Variants in TAFA5 observed in about 807,000 individuals in gnomAD.
The protein encoded by TAFA5 is chemokine-like protein TAFA-5.
TAFA5 carries 6 observed loss-of-function variants against 15.3 expected under a neutral mutation model. That is an observed-to-expected ratio of 0.39 (90% CI 0.21 to 0.77). TAFA5 has a LOEUF of 0.77. Ranked by LOEUF, TAFA5 falls within the 30% of genes least tolerant of loss-of-function variation. The pLI is 0.41. For missense variants in TAFA5, 161 were observed against 193.1 expected (o/e 0.83, Z 0.98); for synonymous variants, 103 against 80.7 (o/e 1.28, Z -1.48).
At chr22:48,545,612 C>T (rs1922637017) in intron 1 of TAFA5, 1 of 152,740 alleles carries the variant, frequency 6.5e-6, no homozygotes, top group Non-Finnish European at 1.5e-5. Flanking sequence ...TTTTCAGGAC[C>T]CCTGCTATTC....
At chr22:48,621,083 ACCCACCCAATCTACTATCCACCCACTTG>A (rs1925815072) in intron 1 of TAFA5, among the ~76,000 whole-genome samples, 2 of 27,570 alleles carry the variant, frequency 7.3e-5, no homozygotes, top group Non-Finnish European at 1.3e-4. Flanking sequence ...CCATCCACCC[ACCCACCCAATCTACTATCCACCCACTTG>A]CCCACCCTAT....
chr22:48,494,011 GA>G (rs1928242299), intron 1 of TAFA5, among the ~76,000 whole-genome samples: 1 of 152,190 alleles, frequency 6.6e-6, no homozygotes, highest in African/African-American at 2.4e-5. Flanking sequence ...GGACCTCCCT[GA>G]GGCCAGAGGA....
rs78620569 is a variant in TAFA5, at chr22:48,643,093, C to T, written c.113-3504C>T. Among the ~76,000 whole-genome samples, 500 of 152,310 alleles carry T rather than the reference C, an allele frequency of 3.3e-3. 13 individuals are homozygous for T. The East Asian group carries it at 0.074, about 22-fold the overall frequency. ...CCTGCCTTTGCATCTGCTGCAGGCT[C>T]CAGGCATCCACCTGCTGGGGCTGAG... On this transcript the variant is annotated intron_variant, in intron 1 of 3. Transcript: ENST00000402357.
chr22:48,653,219 C>A (rs1473372304), intron 2 of TAFA5, among the ~76,000 whole-genome samples: 1 of 152,248 alleles, frequency 6.6e-6, no homozygotes, highest in Non-Finnish European at 1.5e-5. Context: ...GCACACCCCT[C>A]CGTTCCATTC....
chr22:48,709,742 C>T lies in TAFA5; in HGVS notation c.390+1898C>T, dbSNP rs1449112057. 2.0e-5 allele frequency among the ~76,000 whole-genome samples: 3 copies of T among 152,166 alleles called. No homozygotes were observed. In the South Asian group the frequency reaches 6.2e-4, roughly 32 times the overall value. ...TCTGTGAGAGGACTGCTCAGTTCAC[C>T]GGGGTGGGAAGTCAGGGAGTCCACA... On this transcript the variant is annotated intron_variant, in intron 3 of 3. Coordinates refer to ENST00000402357, the MANE Select transcript of TAFA5 (RefSeq NM_001082967.3).
chr22:48,613,728 C>T (rs538698128), intron 1 of TAFA5, among the ~76,000 whole-genome samples: 76 of 152,376 alleles, frequency 5.0e-4, no homozygotes, highest in African/African-American at 1.7e-3. Context: ...GGCTGCGCCC[C>T]AGCCCGGGGC....
rs550518897 is a variant in TAFA5 at position 48,585,101 on chromosome 22, C to T, written c.113-61496C>T. Among the ~76,000 whole-genome samples, 15 of 148,388 alleles carry T rather than the reference C, an allele frequency of 1.0e-4. No homozygotes were observed. The East Asian group carries it at 1.2e-3, about 12-fold the overall frequency. ...TACACTACACACACAGCACACACCA[C>T]GCACACACACACAATACACCACACA... On this transcript the variant is annotated intron_variant, in intron 1 of 3. Coordinates refer to ENST00000402357, the MANE Select transcript of TAFA5 (RefSeq NM_001082967.3).
intron 1 of TAFA5, among the ~76,000 whole-genome samples, chr22:48,624,722 A>G (rs1413395550): frequency 6.6e-6 from 1 of 152,132 alleles, no homozygotes; most frequent in Non-Finnish European, 1.5e-5. Context: ...CTCCTGGCTC[A>G]TCCTGTCTAG....
chr22:48,736,855 C>T (rs568403923), intron 3 of TAFA5, among the ~76,000 whole-genome samples: 12 of 152,274 alleles, frequency 7.9e-5, no homozygotes, highest in African/African-American at 2.2e-4. Flanking sequence ...TGGTTGCTGA[C>T]GGGTATGGCG....
At chr22:48,669,800 G>A (rs1475778881) in intron 2 of TAFA5, among the ~76,000 whole-genome samples, 4 of 152,226 alleles carry the variant, frequency 2.6e-5, no homozygotes, top group Non-Finnish European at 4.4e-5. Flanking sequence ...CTGCAGGAAT[G>A]AACCATAGCC....
chr22:48,496,849 T>C (rs1928343777), intron 1 of TAFA5, among the ~76,000 whole-genome samples: 1 of 152,172 alleles, frequency 6.6e-6, no homozygotes, highest in Admixed American at 6.5e-5. Flanking sequence ...ATCTTCATGC[T>C]TGGTTCAGGA....
At chr22:48,629,916 G>C (rs1926155944) in intron 1 of TAFA5, among the ~76,000 whole-genome samples, 1 of 152,224 alleles carries the variant, frequency 6.6e-6, no homozygotes, top group South Asian at 2.1e-4. Context: ...TGGGAAATTG[G>C]AGCTGAGCTG....
intron 1 of TAFA5, among the ~76,000 whole-genome samples, chr22:48,563,173 C>T (rs1944287051): frequency 6.6e-6 from 1 of 152,194 alleles, no homozygotes; most frequent in African/African-American, 2.4e-5. Context: ...CCCAAGAGCC[C>T]TGTGGACAAG....
At chr22:48,525,805 C>T (rs1173055512) in intron 1 of TAFA5, among the ~76,000 whole-genome samples, 7 of 152,200 alleles carry the variant, frequency 4.6e-5, no homozygotes, top group East Asian at 1.9e-4. Context: ...GGCTCATTCT[C>T]GCCTTACTCT....
In TAFA5 at chr22:48,530,175, C is replaced by A. The variant is rs1341281385; in HGVS notation, c.112+40471C>A. 6.6e-6 allele frequency among the ~76,000 whole-genome samples: 1 copy of A among 152,114 alleles called. No homozygotes were observed. The highest frequency in any genetic ancestry group is 2.4e-5 in the African/African-American group (1 of 41,398). ...CCATGGCGACTCGAGGAGGAGGAGG[C>A]TGGGCCTGCATCACCTCCATTTTTG... On this transcript the variant is annotated intron_variant, in intron 1 of 3. Transcript: ENST00000402357. The surrounding 1 kb of genome is among the most constrained non-coding windows in gnomAD (Gnocchi z 6.0).
At chr22:48,524,617 G>T (rs1285932392) in intron 1 of TAFA5, among the ~76,000 whole-genome samples, 1 of 152,194 alleles carries the variant, frequency 6.6e-6, no homozygotes, top group Non-Finnish European at 1.5e-5. Context: ...CCTTTTAGGG[G>T]CCCCCACATT....
chr22:48,564,975 G>A (rs1398700016), intron 1 of TAFA5, among the ~76,000 whole-genome samples: 1 of 152,248 alleles, frequency 6.6e-6, no homozygotes, highest in African/African-American at 2.4e-5. Flanking sequence ...TCCATGAGGG[G>A]TTAGAAGGGA....
At chr22:48,631,138 G>A (rs567525329) in intron 1 of TAFA5, among the ~76,000 whole-genome samples, 49 of 152,318 alleles carry the variant, frequency 3.2e-4, no homozygotes, top group African/African-American at 1.1e-3. Context: ...CACTCGGGAC[G>A]GTCAGGGGAC....
intron 1 of TAFA5, among the ~76,000 whole-genome samples, chr22:48,643,769 C>G (rs1399681107): frequency 6.6e-6 from 1 of 152,216 alleles, no homozygotes; most frequent in Admixed American, 6.5e-5. Flanking sequence ...CCATTTTGGG[C>G]CCTGCCCCAA....
Sources: allele counts gnomAD v4.1 joint callset (sites outside exome capture counted in the v4.1 genomes callset), GRCh38; gene constraint gnomAD v4.1.1; non-coding constraint Gnocchi (gnomAD v3.1); transcripts MANE v1.5; gene names NCBI Gene and HGNC (gene_info 2026-07-23, HGNC 2026-07-21).